Variants in POPDC1 observed in about 807,000 individuals in gnomAD.
POPDC1 encodes popeye domain-containing protein 1.
the POPDC1 span, among the ~76,000 whole-genome samples, chr6:105,116,061 T>A: frequency 6.6e-6 from 1 of 152,168 alleles, no homozygotes; most frequent in African/African-American, 2.4e-5. Flanking sequence ...GCTAAATAAT[T>A]AACTGAAATA....
chr6:105,124,654 T>C, the POPDC1 span: 1 of 1,574,942 alleles, frequency 6.3e-7, no homozygotes, highest in East Asian at 2.2e-5. Flanking sequence ...GAGACCTTCA[T>C]TCTGATAACA....
the POPDC1 span, among the ~76,000 whole-genome samples, chr6:105,111,893 T>G: frequency 6.6e-6 from 1 of 152,252 alleles, no homozygotes; most frequent in Non-Finnish European, 1.5e-5. Flanking sequence ...GTCGCATTAC[T>G]GATTGAGATC....
At chr6:105,106,949 CA>C in the POPDC1 span, among the ~76,000 whole-genome samples, 1 of 152,164 alleles carries the variant, frequency 6.6e-6, no homozygotes, top group South Asian at 2.1e-4. Context: ...CTTTGTGTTA[CA>C]AACAATCCAA....
chr6:105,125,279 T>C, the POPDC1 span: 3 of 1,273,290 alleles, frequency 2.4e-6, no homozygotes, highest in African/African-American at 4.4e-5. Context: ...CAACAAACTC[T>C]GTGACTGCTT....
chr6:105,121,606 T>C, the POPDC1 span, among the ~76,000 whole-genome samples: 2 of 152,252 alleles, frequency 1.3e-5, no homozygotes, highest in East Asian at 1.9e-4. Context: ...CAAGATTCTA[T>C]CAATAGTTAT....
the POPDC1 span, chr6:105,097,185 G>A: frequency 9.2e-5 from 14 of 152,154 alleles, no homozygotes; most frequent in Non-Finnish European, 1.8e-4. Context: ...CAGAACCGAA[G>A]CAGTGATTAT....
At chr6:105,134,667 T>TAACATC in the POPDC1 span, among the ~76,000 whole-genome samples, 1 of 152,140 alleles carries the variant, frequency 6.6e-6, no homozygotes, top group Non-Finnish European at 1.5e-5. Context: ...AATGGGTATT[T>TAACATC]TGAAAGGATG....
At chr6:105,117,145 G>A in the POPDC1 span, among the ~76,000 whole-genome samples, 1 of 152,140 alleles carries the variant, frequency 6.6e-6, no homozygotes, top group African/African-American at 2.4e-5. Flanking sequence ...CCACTGTATT[G>A]ATACCGCTGC....
At chr6:105,101,322 T>C in the POPDC1 span, 1 of 1,192,134 alleles carries the variant, frequency 8.4e-7, no homozygotes, top group South Asian at 2.0e-5. Context: ...TAGGAATCTA[T>C]CACTAGCAGC....
At chr6:105,115,661 T>A in the POPDC1 span, 1 of 1,613,208 alleles carries the variant, frequency 6.2e-7, no homozygotes, top group Non-Finnish European at 8.5e-7. Context: ...AACTCTGGAG[T>A]AGTATCAGTT....
chr6:105,135,718 G>C, the POPDC1 span, among the ~76,000 whole-genome samples: 1 of 151,944 alleles, frequency 6.6e-6, no homozygotes, highest in South Asian at 2.1e-4. Context: ...CCTTATTAAA[G>C]AGAGAGAGAG....
At chr6:105,118,068 T>TCAAAAA in the POPDC1 span, among the ~76,000 whole-genome samples, 3 of 152,168 alleles carry the variant, frequency 2.0e-5, no homozygotes, top group East Asian at 5.8e-4. Context: ...AGACCTCATC[T>TCAAAAA]CAAAAACAAA....
chr6:105,114,691 T>G, the POPDC1 span, among the ~76,000 whole-genome samples: 1 of 152,262 alleles, frequency 6.6e-6, no homozygotes, highest in African/African-American at 2.4e-5. Context: ...ATTCTTAATT[T>G]AGTTTTTCTC....
chr6:105,127,003 C>A, the POPDC1 span, among the ~76,000 whole-genome samples: 2 of 152,332 alleles, frequency 1.3e-5, no homozygotes, highest in Middle Eastern at 3.4e-3. Context: ...AAGCCCAGGT[C>A]ATGCCCCATC....
the POPDC1 span, chr6:105,116,624 A>C: frequency 3.2e-6 from 4 of 1,242,376 alleles, no homozygotes; most frequent in Non-Finnish European, 4.4e-6. Context: ...CTAAAAATTC[A>C]GGAAAACATA....
the POPDC1 span, among the ~76,000 whole-genome samples, chr6:105,110,357 T>C: frequency 1.3e-5 from 2 of 152,206 alleles, no homozygotes; most frequent in African/African-American, 4.8e-5. Flanking sequence ...CTGAGAATTG[T>C]TCAGACTCAT....
the POPDC1 span, among the ~76,000 whole-genome samples, chr6:105,135,762 T>C: frequency 6.6e-5 from 10 of 152,278 alleles, no homozygotes; most frequent in African/African-American, 1.4e-4. Context: ...TATATCTATA[T>C]AATTGTCTAT....
At chr6:105,116,868 C>A in the POPDC1 span, 14 of 1,610,338 alleles carry the variant, frequency 8.7e-6, no homozygotes, top group Non-Finnish European at 1.1e-5. Context: ...ATAATGGTGA[C>A]CTGCCAAAGA....
the POPDC1 span, among the ~76,000 whole-genome samples, chr6:105,109,571 C>A: frequency 4.0e-5 from 6 of 151,366 alleles, no homozygotes; most frequent in Non-Finnish European, 5.9e-5. Flanking sequence ...GACGTGGTCT[C>A]TACAAAAAAT....
Sources: allele counts gnomAD v4.1 joint callset (sites outside exome capture counted in the v4.1 genomes callset), GRCh38; gene constraint gnomAD v4.1.1; transcripts MANE v1.5; gene names NCBI Gene and HGNC (gene_info 2026-07-23, HGNC 2026-07-21).